PRDM10: variants seen among roughly 807,000 people sequenced by gnomAD.
PRDM10 encodes the protein PR domain zinc finger protein 10.
PRDM10 carries 65 observed loss-of-function variants against 133.1 expected under a neutral mutation model. The ratio of observed to expected loss-of-function variants is 0.49; its 90% CI spans 0.40 to 0.60. PRDM10 has a LOEUF of 0.60. Ranked by LOEUF, PRDM10 falls within the 20% of genes least tolerant of loss-of-function variation. The pLI is 0.00. For synonymous variants in PRDM10, 582 were observed against 580.4 expected, an observed-to-expected ratio of 1.00 and a Z score of -0.04; for missense variants, 1,137 against 1,507.1, an observed-to-expected ratio of 0.75 and a Z score of 4.07.
At chr11:129,994,332 G>A (rs954821664) in intron 1 of PRDM10, among the ~76,000 whole-genome samples, 2 of 125,944 alleles carry the variant, frequency 1.6e-5, no homozygotes, top group East Asian at 3.2e-4. Context: ...AGGCGTGGTG[G>A]TGGGTGCCTG....
chr11:129,960,685 T>C (rs1333353777), intron 2 of PRDM10, among the ~76,000 whole-genome samples: 1 of 152,166 alleles, frequency 6.6e-6, no homozygotes. Context: ...GAGAAGCCTA[T>C]AGCTGGTGGT....
intron 1 of PRDM10, among the ~76,000 whole-genome samples, chr11:129,995,458 T>G (rs923748125): frequency 6.6e-6 from 1 of 152,048 alleles, no homozygotes. Context: ...AGTTAAAAAG[T>G]CAAACAAAGA....
At chr11:129,974,792 T>G (rs555833908) in intron 1 of PRDM10, among the ~76,000 whole-genome samples, 1 of 152,192 alleles carries the variant, frequency 6.6e-6, no homozygotes, top group Non-Finnish European at 1.5e-5. Flanking sequence ...CATTGAGGAA[T>G]GGGTCAACAA....
In PRDM10 at chr11:129,944,858, C is replaced by T; in HGVS notation, c.675G>A (p.Arg225=). The T allele has an allele frequency of 6.2e-7, 1 of 1,614,134 alleles. No individual in the cohort carries two copies. The highest frequency in any genetic ancestry group is 8.5e-7 in the Non-Finnish European group (1 of 1,180,028). The part of the protein sequence containing the change: ...DRFLGGVFSK[R]RIPKRTQFGP... ...CAAACTGGGTGCGCTTGGGGATGCGCCGCTTGGAGAACACCCCGCCCAGAA... is the reference window on the plus strand; with the variant it reads ...CAAACTGGGTGCGCTTGGGGATGCGTCGCTTGGAGAACACCCCGCCCAGAA... The change falls in exon 6 of 21, where the codon CGG becomes CGA. Residue 225 remains arginine (R), a synonymous_variant. Coordinates refer to ENST00000360871, the MANE Select transcript of PRDM10 (RefSeq NM_199437.2).
chr11:129,924,220 C>G (rs1464494494), intron 12 of PRDM10, among the ~76,000 whole-genome samples: 1 of 152,208 alleles, frequency 6.6e-6, no homozygotes, highest in Non-Finnish European at 1.5e-5. Context: ...CCAAGACTCT[C>G]AACACTAGCA....
intron 1 of PRDM10, among the ~76,000 whole-genome samples, chr11:129,979,153 T>C (rs544283199): frequency 6.6e-6 from 1 of 152,312 alleles, no homozygotes; most frequent in African/African-American, 2.4e-5. Flanking sequence ...GTGAAGGTAA[T>C]TTCACAAAGA....
intron 1 of PRDM10, among the ~76,000 whole-genome samples, chr11:129,989,376 G>A (rs938363554): frequency 2.0e-5 from 3 of 152,136 alleles, no homozygotes; most frequent in Non-Finnish European, 4.4e-5. Context: ...AAAGCTTCAA[G>A]CACACATCCT....
intron 4 of PRDM10, among the ~76,000 whole-genome samples, chr11:129,953,140 A>G (rs1565492635): frequency 6.6e-6 from 1 of 151,324 alleles, no homozygotes; most frequent in South Asian, 2.1e-4. Context: ...ACCATGCCCA[A>G]CTAATTTTTG....
intron 9 of PRDM10, 57 bp from the exon 10 acceptor site, chr11:129,932,288 G>A: frequency 6.3e-7 from 1 of 1,583,992 alleles, no homozygotes; most frequent in Admixed American, 1.7e-5. Flanking sequence ...TCCATAACAA[G>A]TAGCGACCTA....
chr11:129,973,822 T>C (rs1320971599), intron 1 of PRDM10, among the ~76,000 whole-genome samples: 1 of 152,238 alleles, frequency 6.6e-6, no homozygotes, highest in Non-Finnish European at 1.5e-5. Context: ...CTTATGTAGA[T>C]ATAAAGATGA....
In PRDM10 at chr11:129,929,472, T is replaced by C. The variant is rs1033804732; in HGVS notation, c.1530+1544A>G. 17 of 1,506,838 alleles carry C rather than the reference T, an allele frequency of 1.1e-5. No individual in the cohort carries two copies. In the African/African-American group the frequency reaches 1.8e-4, roughly 16 times the overall value. The allele number at this position is 1,506,838 out of a possible 1,614,324, so 93.3% of individuals were successfully genotyped here. The stretch of plus-strand genomic sequence containing the variant: ...AAAAATAGTTACATTACCAATTGGA[T>C]TGGAAGACTTCCCTTCAGTTGGTCA... On this transcript the variant is annotated intron_variant, in intron 11 of 20. Transcript: ENST00000360871.
At chr11:129,934,988 T>C (rs1198821187) in intron 9 of PRDM10, 113 bp downstream of exon 9, 2 of 815,134 alleles carry the variant, frequency 2.5e-6, no homozygotes, top group Non-Finnish European at 4.0e-6. Flanking sequence ...GTAGCCCACC[T>C]GGTTACCTAT....
intron 6 of PRDM10, 112 bp from the exon 7 acceptor site, chr11:129,942,741 G>T: frequency 1.0e-6 from 1 of 958,396 alleles, no homozygotes. Context: ...ATACATCCTG[G>T]CTCTTTCCTT....
intron 1 of PRDM10, among the ~76,000 whole-genome samples, chr11:129,990,065 A>C (rs1591702861): frequency 6.6e-6 from 1 of 151,972 alleles, no homozygotes; most frequent in African/African-American, 2.4e-5. Flanking sequence ...CTGGCCAGGC[A>C]TGGGGCGTGG....
chr11:129,937,107 G>A (rs1365559075), intron 8 of PRDM10, among the ~76,000 whole-genome samples: 1 of 152,196 alleles, frequency 6.6e-6, no homozygotes, highest in Non-Finnish European at 1.5e-5. Flanking sequence ...GTTACGCTTG[G>A]GAGTGAGTAG....
Position 129,914,927 on chromosome 11 carries a change from C to G in PRDM10, c.2618G>C (p.Ser873Thr). ...TGTAGTCAAAACCGCTGGGGTGGCA[C>G]TGATCACAGCTGTCGTCAGTGGTGT... ...IHTPLTTAVI[S>T]ATPAVLTTDS... is the part of the protein sequence containing the mutation. The change falls in exon 17 of 21, where the codon AGT (serine) becomes ACT (threonine). Residue 873 changes from serine (S) to threonine (T), a missense_variant. Around this residue, in one of 6 missense-constraint regions of PRDM10, gnomAD observed 113 missense variants for 143.7 expected, o/e 0.79. Transcript: ENST00000360871. 6.2e-7 allele frequency: 1 copy of G among 1,614,154 alleles called. No individual in the cohort carries two copies. The highest frequency in any genetic ancestry group is 8.5e-7 in the Non-Finnish European group (1 of 1,180,018).
chr11:129,950,749 C>T (rs939379722), intron 4 of PRDM10, among the ~76,000 whole-genome samples: 2 of 152,194 alleles, frequency 1.3e-5, no homozygotes, highest in Non-Finnish European at 2.9e-5. Flanking sequence ...TACACCTCTA[C>T]TCCTCATAAA....
chr11:129,983,444 C>A (rs1938232634), intron 1 of PRDM10, among the ~76,000 whole-genome samples: 1 of 151,306 alleles, frequency 6.6e-6, no homozygotes, highest in Non-Finnish European at 1.5e-5. Context: ...ACAGGTGCCC[C>A]CCACCGCGCC....
chr11:129,946,047 G>A (rs35536118), intron 5 of PRDM10, among the ~76,000 whole-genome samples: 6,531 of 151,332 alleles, frequency 0.043, 203 homozygotes, highest in East Asian at 0.12. Context: ...GACCAGTCTC[G>A]CCAACATGGT....
Sources: gnomAD v4.1 joint callset for allele counts (sites outside exome capture counted in the v4.1 genomes callset) on GRCh38, gnomAD v4.1.1 for gene constraint, gnomAD v4.1.1 regional missense constraint, MANE v1.5 for transcripts, NCBI Gene and HGNC (gene_info 2026-07-23, HGNC 2026-07-21) for gene names.